The following CDC14B variants were observed in gnomAD, a reference collection of about 807,000 sequenced individuals.
CDC14B encodes the protein dual specificity protein phosphatase CDC14B.
CDC14B carries 22 observed loss-of-function variants against 64.2 expected under a neutral mutation model. That is an observed-to-expected ratio of 0.34 (90% CI 0.24 to 0.49). The LOEUF (loss-of-function observed/expected upper bound fraction) is 0.49. CDC14B is among the 20% of genes least tolerant of loss of function. The pLI is 0.99. For missense variants in CDC14B, 498 were observed against 629.9 expected (o/e 0.79, Z 2.24); for synonymous variants, 191 against 215.8 (o/e 0.89, Z 1.01).
chr9:96,496,281 G>T, downstream of CDC14B: 1 of 510,518 alleles, frequency 2.0e-6, no homozygotes, highest in South Asian at 1.4e-5. Flanking sequence ...GACCTTCCCC[G>T]CAGGTCTAGT....
At position 96,578,409 on chromosome 9, in the gene CDC14B, G is replaced by A. The variant is rs768795581; in HGVS notation, c.161-12926C>T. Among the ~76,000 whole-genome samples, 8 of 152,298 alleles carry A rather than the reference G, an allele frequency of 5.3e-5. No individual in the cohort carries two copies. The Middle Eastern group carries it at 0.01, about 194-fold the overall frequency. On this transcript the variant is annotated intron_variant, in intron 1 of 13. Transcript: ENST00000375241. ...AATACAGTGTGGAAAGGGAAAAATA[G>A]TAACTTTACAGAAGAAAAACTTAGC...
chr9:96,595,288 C>A (rs371420333), intron 1 of CDC14B, among the ~76,000 whole-genome samples: 3 of 152,134 alleles, frequency 2.0e-5, no homozygotes, highest in South Asian at 2.1e-4. Context: ...TATAACAATA[C>A]GAAAATATTT....
chr9:96,561,748 A>G, intron 4 of CDC14B, among the ~76,000 whole-genome samples: 1 of 151,680 alleles, frequency 6.6e-6, no homozygotes, highest in African/African-American at 2.4e-5. Context: ...CAGCCTCCCA[A>G]AGTGCTGGGA....
chr9:96,547,267 C>A (rs1238648830), intron 5 of CDC14B, among the ~76,000 whole-genome samples: 1 of 151,684 alleles, frequency 6.6e-6, no homozygotes, highest in African/African-American at 2.4e-5. Context: ...GAGTTCAAGA[C>A]CAGCCTGGCC....
At chr9:96,610,249 G>A (rs1847229615) in intron 1 of CDC14B, among the ~76,000 whole-genome samples, 1 of 152,082 alleles carries the variant, frequency 6.6e-6, no homozygotes, top group Admixed American at 6.6e-5. Flanking sequence ...CCAGGGTGGA[G>A]TGAAGTGGCG....
chr9:96,534,637 T>C (rs1183201376), intron 7 of CDC14B, 95 bp from the exon 8 acceptor site: 5 of 789,208 alleles, frequency 6.3e-6, no homozygotes, highest in Non-Finnish European at 6.3e-6. Context: ...TCAAACTCAT[T>C]TGCTTTAGCG....
intron 5 of CDC14B, among the ~76,000 whole-genome samples, chr9:96,547,932 T>C (rs1462601218): frequency 6.6e-6 from 1 of 151,484 alleles, no homozygotes; most frequent in Non-Finnish European, 1.5e-5. Context: ...TTCACAGCAT[T>C]CTCCTGCCTC....
intron 9 of CDC14B, among the ~76,000 whole-genome samples, chr9:96,526,696 G>T (rs1837617512): frequency 6.6e-6 from 1 of 152,126 alleles, no homozygotes; most frequent in African/African-American, 2.4e-5. Context: ...CTTTTAATTG[G>T]TCATCATTCT....
intron 3 of CDC14B, among the ~76,000 whole-genome samples, chr9:96,563,449 G>A (rs1373306435): frequency 6.6e-6 from 1 of 152,024 alleles, no homozygotes; most frequent in Non-Finnish European, 1.5e-5. Flanking sequence ...TCAGGAGTTC[G>A]AGACCAGCCT....
At chr9:96,575,915 G>C (rs1844773402) in intron 1 of CDC14B, among the ~76,000 whole-genome samples, 1 of 152,008 alleles carries the variant, frequency 6.6e-6, no homozygotes, top group Admixed American at 6.6e-5. Flanking sequence ...TGAAATGAAA[G>C]GATAGACAAA....
At chr9:96,603,937 A>T (rs965423535) in intron 1 of CDC14B, among the ~76,000 whole-genome samples, 1 of 152,220 alleles carries the variant, frequency 6.6e-6, no homozygotes, top group African/African-American at 2.4e-5. Context: ...AAACCAGTAG[A>T]TCCACCTTGA....
chr9:96,543,026 A>C (rs1351102969), intron 5 of CDC14B, among the ~76,000 whole-genome samples: 2 of 151,122 alleles, frequency 1.3e-5, no homozygotes, highest in Non-Finnish European at 1.5e-5. Context: ...AAAAACAAAA[A>C]ACAACAAGCC....
chr9:96,603,593 G>A (rs1476310055), intron 1 of CDC14B, among the ~76,000 whole-genome samples: 3 of 152,196 alleles, frequency 2.0e-5, no homozygotes, highest in Admixed American at 1.3e-4. Flanking sequence ...TCGAGAAACT[G>A]CAGAAAAATT....
intron 1 of CDC14B, among the ~76,000 whole-genome samples, chr9:96,618,269 A>T (rs541505478): frequency 2.0e-5 from 3 of 152,326 alleles, no homozygotes; most frequent in Admixed American, 6.5e-5. Context: ...CCACGCACCG[A>T]GGTTGACACA....
At chr9:96,574,072 G>A (rs996474403) in intron 1 of CDC14B, among the ~76,000 whole-genome samples, 12 of 152,038 alleles carry the variant, frequency 7.9e-5, no homozygotes, top group African/African-American at 2.2e-4. Context: ...GTGTGAACCC[G>A]GGAGGCGGAG....
At chr9:96,540,568 G>A (rs978967330) in intron 6 of CDC14B, among the ~76,000 whole-genome samples, 2 of 150,768 alleles carry the variant, frequency 1.3e-5, no homozygotes, top group Non-Finnish European at 2.9e-5. Context: ...TTGACCTATC[G>A]TACCAGCTAA....
chr9:96,540,912 T>G (rs1319771008), intron 6 of CDC14B, among the ~76,000 whole-genome samples: 1 of 152,120 alleles, frequency 6.6e-6, no homozygotes, highest in East Asian at 1.9e-4. Flanking sequence ...ATCCAAACAA[T>G]GTGCCCATAC....
At chr9:96,564,218 T>C (rs1274803722) in intron 3 of CDC14B, among the ~76,000 whole-genome samples, 1 of 152,164 alleles carries the variant, frequency 6.6e-6, no homozygotes, top group African/African-American at 2.4e-5. Context: ...GTGGTCTAAG[T>C]TCAAACCAAT....
At chr9:96,546,577 G>A (rs1158982527) in intron 5 of CDC14B, among the ~76,000 whole-genome samples, 1 of 151,840 alleles carries the variant, frequency 6.6e-6, no homozygotes, top group East Asian at 2.0e-4. Context: ...AGCCTCCCAA[G>A]TAGCTGGGAT....
Sources: allele counts gnomAD v4.1 joint callset (sites outside exome capture counted in the v4.1 genomes callset), GRCh38; gene constraint gnomAD v4.1.1; transcripts MANE v1.5; gene names NCBI Gene and HGNC (gene_info 2026-07-23, HGNC 2026-07-21).